TAFAZZIN: variants seen among roughly 807,000 people sequenced by gnomAD.
The protein encoded by TAFAZZIN is protein G4.5.
In TAFAZZIN, 6 loss-of-function variants were observed where a neutral mutation model predicts 27.3. The ratio of observed to expected loss-of-function variants is 0.22; its 90% CI spans 0.12 to 0.43. The LOEUF is 0.43. TAFAZZIN is among the 20% of genes least tolerant of loss of function. The pLI is 1.00. For synonymous variants in TAFAZZIN, 79 were observed against 96.2 expected (o/e 0.82, Z 1.04); for missense variants, 127 against 244.5 (o/e 0.52, Z 3.21).
Position 154,411,580 on chromosome X carries a change from C to T in TAFAZZIN, c.-264C>T, listed in dbSNP as rs4898488. 1.2e-4 allele frequency: 49 copies of T among 413,448 alleles called. No individual in the cohort carries two copies. The highest frequency in any genetic ancestry group is 9.6e-5 in the Non-Finnish European group (22 of 228,496). 34.1% of individuals were successfully genotyped at this position (413,448 alleles called of 1,213,427 possible). ...ACCGGGCCGGGGTGCCAGCGCCCGC[C>T]TTCCCGTTTCCTCCCGTTCCGCAGC... On this transcript the variant is annotated 5_prime_UTR_variant, in exon 1 of 11. Coordinates refer to ENST00000601016, the MANE Select transcript of TAFAZZIN (RefSeq NM_000116.5).
intron 7 of TAFAZZIN, 35 bp downstream of exon 7, chrX:154,419,781 C>T: frequency 1.6e-5 from 19 of 1,211,122 alleles, no homozygotes; most frequent in Non-Finnish European, 2.1e-5. Flanking sequence ...CAGCCATCCT[C>T]CCGGCCCAGA....
rs1557190850 is a variant in TAFAZZIN, at chrX:154,411,880, C to T, written c.37C>T (p.Pro13Ser). Residue 13 changes from proline to serine, a missense_variant, in exon 1 of 11, where the codon CCG (proline) becomes TCG (serine). Coordinates refer to ENST00000601016, the MANE Select transcript of TAFAZZIN (RefSeq NM_000116.5). ...CGTGAAGTGGCCGTTCCCCGCGGTG[C>T]CGCCGCTCACCTGGACCCTGGCCAG... is the stretch of plus-strand genomic sequence containing the variant. ...LHVKWPFPAV[P>S]PLTWTLASSV... 4.1e-6 allele frequency: 5 copies of T among 1,204,833 alleles called. No individual in the cohort carries two copies. The highest frequency in any genetic ancestry group is 5.6e-6 in the Non-Finnish European group (5 of 893,480).
intron 10 of TAFAZZIN, 59 bp from the exon 11 acceptor site, chrX:154,420,844 C>A: frequency 8.4e-7 from 1 of 1,190,443 alleles, no homozygotes; most frequent in African/African-American, 1.7e-5. Context: ...GGCACCCTCC[C>A]AGGGCACCTT....
intron 7 of TAFAZZIN, 84 bp from the exon 8 acceptor site, chrX:154,419,948 G>A (rs990679446): frequency 5.2e-6 from 6 of 1,149,959 alleles, no homozygotes; most frequent in Non-Finnish European, 6.0e-6. Context: ...GGAGGATGTC[G>A]GGGGTGGCAG....
rs782273950 is a variant in TAFAZZIN at position 154,420,732 on chromosome X, G to A, written c.774G>A (p.Ser258=). 1.1e-5 allele frequency: 13 copies of A among 1,208,919 alleles called. No homozygotes were observed. The highest frequency in any genetic ancestry group is 1.5e-5 in the Non-Finnish European group (13 of 894,732). ...AGCGGCTCCGGGCGGAGAACAAGTC[G>A]GCTGTGAGTTTCCTCCTGGGTCCCC... ...VLERLRAENK[S]AVEMRKALTD... is the part of the protein sequence containing the mutation. Residue 258 remains serine (S), a synonymous_variant, in exon 10 of 11, where the codon TCG becomes TCA. Coordinates refer to ENST00000601016, the MANE Select transcript of TAFAZZIN (RefSeq NM_000116.5).
rs1364309568 is a variant in TAFAZZIN, at chrX:154,413,657, G to C, written c.370+90G>C. 6.2e-6 allele frequency: 6 copies of C among 964,237 alleles called. No homozygotes were observed. In the South Asian group the frequency reaches 1.3e-4, roughly 20 times the overall value. The allele number at this position is 964,237 out of a possible 1,213,427, so 79.5% of individuals were successfully genotyped here. A position where few individuals can be genotyped will look rare whatever the true frequency, so the allele number is the denominator to read the frequency against. ...CTCTGTTTTGGAGGGACCTATGGGG[G>C]TAGGCATCCCGGGAGCCAACATGAG... is the stretch of plus-strand genomic sequence containing the variant. On this transcript the variant is annotated intron_variant, in intron 4 of 10. Coordinates refer to ENST00000601016, the MANE Select transcript of TAFAZZIN (RefSeq NM_000116.5).
Position 154,417,786 on chromosome X carries a change from G to C in TAFAZZIN, c.461-1757G>C, listed in dbSNP as rs184215062. Among the ~76,000 whole-genome samples the C allele has an allele frequency of 6.9e-3, 773 of 111,707 alleles. 8 individuals carry two copies. Among genetic ancestry groups the C allele is most frequent in the Admixed American group, 0.021 (224 of 10,472 alleles). ...TAAAGGAACAAGCAGAGGCCACAGT[G>C]TCTTGGCAAATGACCGTGGCATTGT... On this transcript the variant is annotated intron_variant, in intron 5 of 10. Coordinates refer to ENST00000601016, the MANE Select transcript of TAFAZZIN (RefSeq NM_000116.5).
At chrX:154,420,372 A>G (rs781790558) in intron 9 of TAFAZZIN, 108 bp downstream of exon 9, 8 of 943,479 alleles carry the variant, frequency 8.5e-6, no homozygotes, top group Non-Finnish European at 1.2e-5. Context: ...GCATGAGGCT[A>G]CAGCAGGGGA....
rs1169086842 is a variant in TAFAZZIN, at chrX:154,419,640, G to A, written c.541+17G>A. The A allele has an allele frequency of 8.3e-7, 1 of 1,210,242 alleles. No individual in the cohort carries two copies. The highest frequency in any genetic ancestry group is 1.1e-6 in the Non-Finnish European group (1 of 894,600). On this transcript the variant is annotated intron_variant, in intron 6 of 10. Coordinates refer to ENST00000601016, the MANE Select transcript of TAFAZZIN (RefSeq NM_000116.5). ...TCCCAGAAGGTCAGCAGGGCTGACT[G>A]GGTCGAGCCCCCCCAGTATGAGCGG...
intron 8 of TAFAZZIN, 50 bp from the exon 9 acceptor site, chrX:154,420,162 A>C: frequency 1.7e-6 from 2 of 1,210,678 alleles, no homozygotes; most frequent in Non-Finnish European, 2.2e-6. Flanking sequence ...CTCTGGTCCC[A>C]GGCTGCCCTG....
chrX:154,419,551 G>A lies in TAFAZZIN; in HGVS notation c.469G>A (p.Val157Ile), dbSNP rs782173851. ...AGGCCTTTTCCTTGCAGGAGATGGC[G>A]TCTACCAGAAGGGGATGGACTTCAT... The part of the protein sequence containing the change: ...AGKRREKGDG[V>I]YQKGMDFILE... Residue 157 changes from valine to isoleucine, a missense_variant, in exon 6 of 11, where the codon GTC (valine) becomes ATC (isoleucine). Val to Ile is a conservative substitution (Grantham distance 29). Around this residue, in one of 3 missense-constraint regions of TAFAZZIN, gnomAD observed 79 missense variants for 188.7 expected, o/e 0.42. Coordinates refer to ENST00000601016, the MANE Select transcript of TAFAZZIN (RefSeq NM_000116.5). The A allele has an allele frequency of 9.1e-6, 11 of 1,208,970 alleles. No homozygotes were observed. Among genetic ancestry groups the A allele is most frequent in the African/African-American group, 5.3e-5 (3 of 56,817 alleles).
intron 9 of TAFAZZIN, 85 bp from the exon 10 acceptor site, chrX:154,420,573 G>GC: frequency 9.4e-7 from 1 of 1,065,029 alleles, no homozygotes; most frequent in South Asian, 1.9e-5. Context: ...CAGGGCCGGG[G>GC]CTTAGCTTCT....
intron 5 of TAFAZZIN, among the ~76,000 whole-genome samples, chrX:154,415,547 G>C (rs782795054): frequency 5.7e-4 from 63 of 111,425 alleles, no homozygotes; most frequent in Middle Eastern, 4.6e-3. Flanking sequence ...TAGATAGATA[G>C]ATACATACAT....
In TAFAZZIN at chrX:154,420,278, G is replaced by A. The variant is rs1349536681; in HGVS notation, c.699+14G>A. ...CGCTTTGGACAGGTGGGTGGGGACTGCTGACCTTCGGCTGTCTGCCTGTCT... is the reference window on the plus strand; with the variant it reads ...CGCTTTGGACAGGTGGGTGGGGACTACTGACCTTCGGCTGTCTGCCTGTCT... On this transcript the variant is annotated intron_variant, in intron 9 of 10. Transcript: ENST00000601016. 1 of 1,209,590 alleles carries A rather than the reference G, an allele frequency of 8.3e-7. No individual in the cohort carries two copies. The highest frequency in any genetic ancestry group is 3.0e-5 in the East Asian group (1 of 33,767).
At chrX:154,416,197 A>G (rs1004777145) in intron 5 of TAFAZZIN, among the ~76,000 whole-genome samples, 1 of 112,118 alleles carries the variant, frequency 8.9e-6, no homozygotes, top group Admixed American at 9.5e-5. Flanking sequence ...CAGGAGATCG[A>G]GACCATCCTG....
At position 154,412,254 on chromosome X, in the gene TAFAZZIN, A is replaced by G. The variant is rs1557191222; in HGVS notation, c.238+40A>G. 3 of 1,177,683 alleles carry G rather than the reference A, an allele frequency of 2.5e-6. No homozygotes were observed. In the African/African-American group the frequency reaches 5.3e-5, roughly 21 times the overall value. Reference sequence around the variant, plus strand: ...GTGCTGGGCAGGGGGAGGAAAGGCGAGGATTCGGGACGGGCCCAGCCTCGT... The same window carrying G: ...GTGCTGGGCAGGGGGAGGAAAGGCGGGGATTCGGGACGGGCCCAGCCTCGT... On this transcript the variant is annotated intron_variant, in intron 2 of 10. Transcript: ENST00000601016.
intron 5 of TAFAZZIN, among the ~76,000 whole-genome samples, chrX:154,416,985 A>G (rs376587285): frequency 3.7e-4 from 41 of 111,174 alleles, no homozygotes; most frequent in African/African-American, 1.1e-3. Flanking sequence ...AATATAAAAA[A>G]TTAGCAGCGC....
In TAFAZZIN at chrX:154,411,819, A is replaced by G; in HGVS notation, c.-25A>G. The G allele has an allele frequency of 8.7e-7, 1 of 1,155,857 alleles. No homozygotes were observed. The highest frequency in any genetic ancestry group is 1.1e-6 in the Non-Finnish European group (1 of 869,785). On this transcript the variant is annotated 5_prime_UTR_variant, in exon 1 of 11. Transcript: ENST00000601016. ...CCACAGGCCGGCCCGGGGCGCTGGG[A>G]GCGCCGGCCGCGGGCCGGGTGGGGA...
At chrX:154,417,197 A>G (rs1466719043) in intron 5 of TAFAZZIN, among the ~76,000 whole-genome samples, 1 of 112,204 alleles carries the variant, frequency 8.9e-6, no homozygotes, top group Non-Finnish European at 1.9e-5. Context: ...CACAAAAACC[A>G]CAAAGTCACG....
Sources: gnomAD v4.1 joint callset for allele counts (sites outside exome capture counted in the v4.1 genomes callset) on GRCh38, gnomAD v4.1.1 for gene constraint, gnomAD v4.1.1 regional missense constraint, MANE v1.5 for transcripts, NCBI Gene and HGNC (gene_info 2026-07-23, HGNC 2026-07-21) for gene names.